PTPRD: variants seen among roughly 807,000 people sequenced by gnomAD.
PTPRD encodes protein tyrosine phosphatase receptor type D.
In PTPRD, 34 loss-of-function variants were observed where a neutral mutation model predicts 214.5. The observed-to-expected ratio is 0.16, with a 90% CI of 0.12 to 0.21. The LOEUF is 0.21. Ranked by LOEUF, PTPRD falls within the 10% of genes least tolerant of loss-of-function variation. PTPRD has a pLI of 1.00. For missense variants in PTPRD, 2,545 were observed against 2,398.7 expected (o/e 1.06, Z -1.27); for synonymous variants, 1,128 against 845.7 (o/e 1.33, Z -5.79).
intron 10 of PTPRD, among the ~76,000 whole-genome samples, chr9:9,052,880 G>T (rs2099689062): frequency 6.6e-6 from 1 of 152,068 alleles, no homozygotes; most frequent in Non-Finnish European, 1.5e-5. Flanking sequence ...GTGAATGGGG[G>T]CATCCTAGCC....
chr9:9,648,124 A>G (rs1020457381), intron 7 of PTPRD, among the ~76,000 whole-genome samples: 1 of 152,128 alleles, frequency 6.6e-6, no homozygotes, highest in African/African-American at 2.4e-5. Flanking sequence ...TTTTTGTCAT[A>G]TATTTATTTT....
intron 5 of PTPRD, among the ~76,000 whole-genome samples, chr9:9,895,622 C>G (rs1282129614): frequency 1.3e-5 from 2 of 151,918 alleles, no homozygotes; most frequent in Admixed American, 1.3e-4. Flanking sequence ...AAATGATGGT[C>G]AAATATATTT....
At chr9:8,445,985 T>C (rs1177670621) in intron 34 of PTPRD, among the ~76,000 whole-genome samples, 2 of 152,182 alleles carry the variant, frequency 1.3e-5, no homozygotes, top group African/African-American at 4.8e-5. Flanking sequence ...TCCAAGCTAC[T>C]TCTTTGGAAG....
chr9:8,951,666 T>A (rs2099102904), intron 11 of PTPRD, among the ~76,000 whole-genome samples: 1 of 152,116 alleles, frequency 6.6e-6, no homozygotes, highest in Non-Finnish European at 1.5e-5. Context: ...TGGACTCCAT[T>A]CTTTCATTCA....
At chr9:9,274,294 T>C (rs1594954888) in intron 9 of PTPRD, among the ~76,000 whole-genome samples, 4 of 151,480 alleles carry the variant, frequency 2.6e-5, no homozygotes. Context: ...CTGTTACTTA[T>C]ATGCTTTACG....
In PTPRD at chr9:8,462,753, C is replaced by A. The variant is rs549633780; in HGVS notation, c.3715-2182G>T. Among the ~76,000 whole-genome samples, 82 of 151,956 alleles carry A rather than the reference C, an allele frequency of 5.4e-4. 1 individual carries two copies. The highest frequency in any genetic ancestry group is 1.8e-3 in the African/African-American group (74 of 41,478). On this transcript the variant is annotated intron_variant, in intron 32 of 45. Coordinates refer to ENST00000381196, the MANE Select transcript of PTPRD (RefSeq NM_002839.4). Reference sequence around the variant, plus strand: ...CGGTCATTCCCCTCTACTAAAAAAACCAAAAAAGATAAAAATAACACAGCT... The same window carrying A: ...CGGTCATTCCCCTCTACTAAAAAAAACAAAAAAGATAAAAATAACACAGCT...
intron 2 of PTPRD, among the ~76,000 whole-genome samples, chr9:10,551,249 G>A (rs1357427817): frequency 6.6e-6 from 1 of 152,114 alleles, no homozygotes; most frequent in Admixed American, 6.6e-5. Context: ...TGAGGCAGGA[G>A]GATCCCTCAT....
At chr9:9,896,847 A>G (rs80093535) in intron 5 of PTPRD, among the ~76,000 whole-genome samples, 1,706 of 152,180 alleles carry the variant, frequency 0.011, 42 homozygotes, top group African/African-American at 0.039. Flanking sequence ...AATACTTTAA[A>G]TAACATATTA....
At chr9:10,454,704 G>T (rs1034032145) in intron 2 of PTPRD, among the ~76,000 whole-genome samples, 13 of 151,400 alleles carry the variant, frequency 8.6e-5, no homozygotes, top group African/African-American at 2.7e-4. Context: ...CTTAATCCAG[G>T]ATTTGCATTA....
rs868148259 is a variant in PTPRD, at chr9:9,931,660, A to G, written c.-368+6847T>C. Among the ~76,000 whole-genome samples the G allele has an allele frequency of 2.9e-3, 442 of 151,006 alleles. 12 individuals are homozygous for G. In the East Asian group the frequency reaches 0.063, roughly 21 times the overall value. ...CAACGAGGCTGGGGGAGGGGCGCCC[A>G]CCATTGCCCAGGCGTGCTTAGGTAA... On this transcript the variant is annotated intron_variant, in intron 5 of 45. Coordinates refer to ENST00000381196, the MANE Select transcript of PTPRD (RefSeq NM_002839.4).
chr9:9,861,177 G>T (rs2062678316), intron 5 of PTPRD, among the ~76,000 whole-genome samples: 1 of 152,174 alleles, frequency 6.6e-6, no homozygotes, highest in Non-Finnish European at 1.5e-5. Context: ...TCACATGAGT[G>T]TATTGGGAGA....
intron 7 of PTPRD, among the ~76,000 whole-genome samples, chr9:9,592,527 T>A (rs757750876): frequency 6.6e-6 from 1 of 151,876 alleles, no homozygotes; most frequent in Non-Finnish European, 1.5e-5. Flanking sequence ...AACAGGAAAT[T>A]ATTTAATTTG....
intron 10 of PTPRD, among the ~76,000 whole-genome samples, chr9:9,144,343 G>A (rs1263154869): frequency 6.6e-6 from 1 of 152,152 alleles, no homozygotes; most frequent in East Asian, 1.9e-4. Flanking sequence ...TTCCAAAATA[G>A]TCTGCTGACA....
intron 4 of PTPRD, among the ~76,000 whole-genome samples, chr9:9,942,697 A>C (rs909273535): frequency 3.9e-5 from 6 of 152,170 alleles, no homozygotes; most frequent in Non-Finnish European, 8.8e-5. Context: ...TATTTTAATT[A>C]GCATTTAAAA....
intron 6 of PTPRD, among the ~76,000 whole-genome samples, chr9:9,752,689 G>C (rs1327550392): frequency 6.6e-6 from 1 of 152,108 alleles, no homozygotes; most frequent in Middle Eastern, 3.4e-3. Context: ...TGGGGAAGGA[G>C]ATGCAGTGGG....
chr9:9,492,760 G>T (rs1429129449), intron 8 of PTPRD, among the ~76,000 whole-genome samples: 1 of 151,008 alleles, frequency 6.6e-6, no homozygotes, highest in East Asian at 1.9e-4. Context: ...ACAACCCTGA[G>T]TCAAGCAAGT....
At chr9:9,248,060 C>T (rs773052141) in intron 9 of PTPRD, among the ~76,000 whole-genome samples, 1 of 151,652 alleles carries the variant, frequency 6.6e-6, no homozygotes, top group African/African-American at 2.4e-5. Flanking sequence ...ATTGAGTAAA[C>T]GGAGGAAGCA....
At chr9:9,179,310 T>G (rs2099926735) in intron 10 of PTPRD, among the ~76,000 whole-genome samples, 1 of 152,128 alleles carries the variant, frequency 6.6e-6, no homozygotes, top group Non-Finnish European at 1.5e-5. Context: ...AAGCAAAGCA[T>G]TTGGCTATAG....
intron 7 of PTPRD, among the ~76,000 whole-genome samples, chr9:9,597,988 A>C (rs750694317): frequency 2.6e-5 from 4 of 151,968 alleles, no homozygotes; most frequent in Non-Finnish European, 4.4e-5. Context: ...TAAATGCAAA[A>C]ACCATGTATC....
Sources: gnomAD v4.1 joint callset for allele counts (sites outside exome capture counted in the v4.1 genomes callset) on GRCh38, gnomAD v4.1.1 for gene constraint, MANE v1.5 for transcripts, NCBI Gene and HGNC (gene_info 2026-07-23, HGNC 2026-07-21) for gene names.